CCSER1: variants seen among roughly 807,000 people sequenced by gnomAD.
CCSER1 encodes the protein serine-rich coiled-coil domain-containing protein 1.
In CCSER1, 41 loss-of-function variants were observed where a neutral mutation model predicts 82.0. The ratio of observed to expected loss-of-function variants is 0.50; its 90% CI spans 0.39 to 0.65. CCSER1 has a LOEUF of 0.65. CCSER1 is among the 30% of genes least tolerant of loss of function. The pLI is 0.00. For missense variants in CCSER1, 1,119 were observed against 1,064.2 expected (o/e 1.05, Z -0.72); for synonymous variants, 414 against 383.9 (o/e 1.08, Z -0.92).
chr4:90,303,450 C>G (rs919907944), intron 1 of CCSER1, among the ~76,000 whole-genome samples: 209 of 152,038 alleles, frequency 1.4e-3, no homozygotes, highest in Non-Finnish European at 2.1e-3. Flanking sequence ...TACCAAAACA[C>G]AGATATAGAT....
chr4:91,245,827 G>T (rs538239568), intron 10 of CCSER1, among the ~76,000 whole-genome samples: 5 of 152,248 alleles, frequency 3.3e-5, no homozygotes, highest in African/African-American at 1.2e-4. Context: ...CTCCTGAGTA[G>T]CTGGGATTAC....
At chr4:91,559,370 A>G (rs1377404960) in intron 10 of CCSER1, among the ~76,000 whole-genome samples, 1 of 151,572 alleles carries the variant, frequency 6.6e-6, no homozygotes, top group Non-Finnish European at 1.5e-5. Context: ...CCACACCTTC[A>G]GCTGTTCTCT....
intron 5 of CCSER1, among the ~76,000 whole-genome samples, chr4:90,474,097 C>G (rs534482937): frequency 1.3e-5 from 2 of 150,584 alleles, no homozygotes; most frequent in East Asian, 2.0e-4. Context: ...GCCGAGATTG[C>G]GCCACTGCAC....
At chr4:90,728,360 G>A (rs1744061856) in intron 7 of CCSER1, among the ~76,000 whole-genome samples, 1 of 150,474 alleles carries the variant, frequency 6.6e-6, no homozygotes, top group Admixed American at 6.6e-5. Flanking sequence ...ATCAGCCAGG[G>A]CACTGATAAA....
chr4:91,230,330 C>T (rs928781945), intron 10 of CCSER1, among the ~76,000 whole-genome samples: 20 of 152,090 alleles, frequency 1.3e-4, no homozygotes, highest in African/African-American at 4.3e-4. Flanking sequence ...AAGAAAGGGA[C>T]GAGGAAAGTT....
intron 10 of CCSER1, among the ~76,000 whole-genome samples, chr4:91,399,208 C>A (rs936415131): frequency 7.9e-5 from 12 of 151,750 alleles, no homozygotes; most frequent in Admixed American, 5.9e-4. Flanking sequence ...AATGATCATG[C>A]AAGACATGAT....
chr4:91,196,135 A>C (rs76605865), intron 10 of CCSER1, among the ~76,000 whole-genome samples: 12 of 151,216 alleles, frequency 7.9e-5, no homozygotes, highest in Non-Finnish European at 1.2e-4. Flanking sequence ...TGCAGTGAGC[A>C]GAGATTGCTC....
chr4:90,279,892 A>T (rs1264165011), intron 1 of CCSER1, among the ~76,000 whole-genome samples: 3 of 152,034 alleles, frequency 2.0e-5, no homozygotes, highest in Non-Finnish European at 4.4e-5. Context: ...TGTGAATGCT[A>T]GTTAAATATT....
At chr4:90,215,298 G>A (rs1368470725) in intron 1 of CCSER1, among the ~76,000 whole-genome samples, 1 of 152,158 alleles carries the variant, frequency 6.6e-6, no homozygotes, top group African/African-American at 2.4e-5. Flanking sequence ...TATTTTCTTT[G>A]TAAAAGGTTT....
rs193239279 is a variant in CCSER1, at chr4:90,203,839, C to T, written c.-42+76008C>T. On this transcript the variant is annotated intron_variant, in intron 1 of 10. Transcript: ENST00000509176. ...TAAAAGCGTTCCTATTGCTCCACAT[C>T]ATCTCCAGCATCTGTTGTTTCCTGA... Among the ~76,000 whole-genome samples, 4 of 152,294 alleles carry T rather than the reference C, an allele frequency of 2.6e-5. No individual in the cohort carries two copies. The East Asian group carries it at 7.7e-4, about 29-fold the overall frequency.
In CCSER1 at chr4:91,296,462, TA is replaced by T. The variant is rs1744175361; in HGVS notation, c.2217+210469del. 1.5e-4 allele frequency among the ~76,000 whole-genome samples: 8 copies of T among 53,354 alleles called. 1 individual carries two copies. The highest frequency in any genetic ancestry group is 6.2e-4 in the African/African-American group (8 of 12,846). 35.0% of individuals were successfully genotyped at this position (53,354 alleles called of 152,430 possible). ...AAGTGTCTAACATTATATATATATA[TA>T]TATGTATATATATATATATATATTT... On this transcript the variant is annotated intron_variant, in intron 10 of 10. Coordinates refer to ENST00000509176, the MANE Select transcript of CCSER1 (RefSeq NM_001145065.2).
intron 1 of CCSER1, among the ~76,000 whole-genome samples, chr4:90,159,070 G>T (rs1368262218): frequency 6.6e-6 from 1 of 152,136 alleles, no homozygotes; most frequent in African/African-American, 2.4e-5. Flanking sequence ...GTCTCACTGA[G>T]TCACTGAGGT....
intron 10 of CCSER1, among the ~76,000 whole-genome samples, chr4:91,472,607 A>G (rs1330499153): frequency 2.0e-5 from 3 of 152,198 alleles, no homozygotes; most frequent in African/African-American, 4.8e-5. Flanking sequence ...ATCTTTCTCT[A>G]TAATAACCAC....
intron 1 of CCSER1, among the ~76,000 whole-genome samples, chr4:90,152,676 A>T (rs911736497): frequency 9.2e-5 from 14 of 152,094 alleles, no homozygotes; most frequent in African/African-American, 3.4e-4. Context: ...AGTTTGGCTG[A>T]GATAGAGAGT....
chr4:90,272,309 T>A (rs1434907985), intron 1 of CCSER1, among the ~76,000 whole-genome samples: 1 of 152,154 alleles, frequency 6.6e-6, no homozygotes, highest in Non-Finnish European at 1.5e-5. Flanking sequence ...ATGAAAGGTG[T>A]TCAGTATCAT....
At chr4:90,761,736 G>T (rs1216888105) in intron 7 of CCSER1, among the ~76,000 whole-genome samples, 1 of 152,084 alleles carries the variant, frequency 6.6e-6, no homozygotes, top group Admixed American at 6.6e-5. Flanking sequence ...GCAGTGCTTT[G>T]GGTTAGGCGT....
intron 1 of CCSER1, among the ~76,000 whole-genome samples, chr4:90,198,965 C>T (rs2153403279): frequency 6.6e-6 from 1 of 152,124 alleles, no homozygotes; most frequent in East Asian, 1.9e-4. Flanking sequence ...TTTCAACAGA[C>T]TCATCTTTCA....
At chr4:90,292,065 A>G (rs973916291) in intron 1 of CCSER1, among the ~76,000 whole-genome samples, 1 of 151,970 alleles carries the variant, frequency 6.6e-6, no homozygotes, top group African/African-American at 2.4e-5. Flanking sequence ...TACATTAGCA[A>G]TTAAAGTAAA....
chr4:91,002,601 T>A (rs1010731062), intron 9 of CCSER1, among the ~76,000 whole-genome samples: 2 of 152,040 alleles, frequency 1.3e-5, no homozygotes, highest in Non-Finnish European at 2.9e-5. Flanking sequence ...GAAGTTTTAA[T>A]TTTTTTTAAT....
Sources: gnomAD v4.1 joint callset for allele counts (sites outside exome capture counted in the v4.1 genomes callset) on GRCh38, gnomAD v4.1.1 for gene constraint, MANE v1.5 for transcripts, NCBI Gene and HGNC (gene_info 2026-07-23, HGNC 2026-07-21) for gene names.